Variants in STT3B observed in about 807,000 individuals in gnomAD.
STT3B encodes STT3 oligosaccharyltransferase complex catalytic subunit B, also known as dolichyl-diphosphooligosaccharide--protein glycosyltransferase subunit STT3B.
A neutral mutation model predicts 96.8 loss-of-function variants in STT3B; 29 were observed. The ratio of observed to expected loss-of-function variants is 0.30; its 90% CI spans 0.22 to 0.41. STT3B has a LOEUF of 0.41. Among genes scored for constraint, STT3B ranks in the 10% least tolerant of loss-of-function variants. The pLI is 1.00. For synonymous variants in STT3B, 367 were observed against 360.0 expected (o/e 1.02, Z -0.22); for missense variants, 640 against 1,022.3 (o/e 0.63, Z 5.10).
At chr3:31,544,089 G>A (rs1697345052) in intron 1 of STT3B, among the ~76,000 whole-genome samples, 2 of 152,142 alleles carry the variant, frequency 1.3e-5, no homozygotes, top group African/African-American at 4.8e-5. Flanking sequence ...GCATACATAG[G>A]CATTAGTTAG....
intron 5 of STT3B, among the ~76,000 whole-genome samples, chr3:31,614,285 A>G (rs1699253625): frequency 6.6e-6 from 1 of 151,872 alleles, no homozygotes; most frequent in African/African-American, 2.4e-5. Flanking sequence ...ACGTTAACTT[A>G]TTTCAGATGG....
chr3:31,613,165 T>C (rs1437369603), intron 5 of STT3B, among the ~76,000 whole-genome samples: 7 of 152,138 alleles, frequency 4.6e-5, no homozygotes, highest in Non-Finnish European at 7.4e-5. Context: ...ATGCGTGTAC[T>C]CAATATCCCT....
chr3:31,621,184 TAAGAG>T (rs892309037), intron 9 of STT3B, among the ~76,000 whole-genome samples: 5 of 152,124 alleles, frequency 3.3e-5, no homozygotes, highest in African/African-American at 9.7e-5. Context: ...GATGGGGAAA[TAAGAG>T]AAGCCAATAC....
chr3:31,623,531 A>G, intron 10 of STT3B, 143 bp from the exon 11 acceptor site: 4 of 639,662 alleles, frequency 6.3e-6, no homozygotes, highest in East Asian at 2.8e-5. Flanking sequence ...CATCACCCAC[A>G]TAAGAATATC....
At chr3:31,557,871 C>A (rs1697760836) in intron 1 of STT3B, among the ~76,000 whole-genome samples, 2 of 152,184 alleles carry the variant, frequency 1.3e-5, no homozygotes, top group Non-Finnish European at 2.9e-5. Context: ...ACCTCGTGAT[C>A]CGCCCGCCTC....
At chr3:31,619,077 G>A (rs893891093) in intron 8 of STT3B, among the ~76,000 whole-genome samples, 1 of 151,892 alleles carries the variant, frequency 6.6e-6, no homozygotes, top group African/African-American at 2.4e-5. Flanking sequence ...GTCAAGCAAG[G>A]CATTATTGTG....
chr3:31,541,652 C>T (rs561869835), intron 1 of STT3B, among the ~76,000 whole-genome samples: 12 of 152,208 alleles, frequency 7.9e-5, no homozygotes, highest in African/African-American at 2.9e-4. Context: ...TCTCAGCTCA[C>T]TGCAAGCTCC....
chr3:31,626,250 T>C, intron 13 of STT3B, 123 bp downstream of exon 13: 2 of 879,566 alleles, frequency 2.3e-6, no homozygotes, highest in Non-Finnish European at 3.4e-6. Context: ...TTCCTTACCC[T>C]GGCTTTACTA....
intron 1 of STT3B, among the ~76,000 whole-genome samples, chr3:31,561,733 C>T (rs1293456555): frequency 2.0e-5 from 3 of 151,962 alleles, no homozygotes; most frequent in African/African-American, 7.3e-5. Context: ...TGTGTTTTTA[C>T]TTTGGTATCT....
intron 1 of STT3B, among the ~76,000 whole-genome samples, chr3:31,549,562 A>G (rs1257429638): frequency 1.3e-5 from 2 of 151,988 alleles, no homozygotes; most frequent in African/African-American, 4.8e-5. Context: ...ATTACTATGG[A>G]TAATGCTTGT....
chr3:31,537,379 A>G (rs1697127595), intron 1 of STT3B, among the ~76,000 whole-genome samples: 1 of 152,210 alleles, frequency 6.6e-6, no homozygotes, highest in East Asian at 1.9e-4. Flanking sequence ...AACGTCCCCA[A>G]ATCTTAAAAA....
chr3:31,637,529 T>A lies in STT3B; in HGVS notation c.*1465T>A, dbSNP rs1212066314. The stretch of plus-strand genomic sequence containing the variant: ...GTCTGGATTTCTGATACCTTGTCAT[T>A]TGGGGGATTTTATTTTACTTTGTTG... On this transcript the variant is annotated 3_prime_UTR_variant, in exon 16 of 16. Transcript: ENST00000295770. 1 of 152,186 alleles carries A rather than the reference T, an allele frequency of 6.6e-6. No homozygotes were observed. The highest frequency in any genetic ancestry group is 1.5e-5 in the Non-Finnish European group (1 of 68,006). The allele number at this position is 152,186 out of a possible 1,614,324, so 9.4% of individuals were successfully genotyped here.
intron 13 of STT3B, among the ~76,000 whole-genome samples, chr3:31,628,010 C>T (rs1333346842): frequency 1.1e-5 from 1 of 94,366 alleles, no homozygotes; most frequent in Admixed American, 1.2e-4. Flanking sequence ...TCTACCCCCC[C>T]TAAAAAAAAA....
chr3:31,592,131 C>CCCTCCG (rs1312563287), intron 3 of STT3B, among the ~76,000 whole-genome samples: 1 of 152,108 alleles, frequency 6.6e-6, no homozygotes, highest in Non-Finnish European at 1.5e-5. Context: ...TTCCACCTTC[C>CCCTCCG]CCTCCGCCCC....
chr3:31,612,306 CA>C (rs1699200305), intron 5 of STT3B, among the ~76,000 whole-genome samples: 1 of 151,974 alleles, frequency 6.6e-6, no homozygotes, highest in African/African-American at 2.4e-5. Context: ...TTCAGTGATC[CA>C]AAAAATGTGA....
intron 5 of STT3B, among the ~76,000 whole-genome samples, chr3:31,612,549 T>C (rs1699205405): frequency 6.6e-6 from 1 of 152,192 alleles, no homozygotes; most frequent in African/African-American, 2.4e-5. Context: ...AAGTCCCACC[T>C]GGGCTTTTTC....
intron 1 of STT3B, among the ~76,000 whole-genome samples, chr3:31,564,386 G>A (rs1171301999): frequency 1.3e-5 from 2 of 152,184 alleles, no homozygotes; most frequent in Non-Finnish European, 2.9e-5. Flanking sequence ...TTTGCCCAGA[G>A]GCAAAATGAT....
chr3:31,569,809 A>G (rs1575418648), intron 1 of STT3B, among the ~76,000 whole-genome samples: 1 of 152,194 alleles, frequency 6.6e-6, no homozygotes, highest in African/African-American at 2.4e-5. Flanking sequence ...ATTGTGTGTG[A>G]GAGTATGTGT....
intron 3 of STT3B, among the ~76,000 whole-genome samples, chr3:31,582,229 A>G (rs1698421367): frequency 6.7e-6 from 1 of 150,130 alleles, no homozygotes; most frequent in African/African-American, 2.5e-5. Flanking sequence ...TATCTCTGTT[A>G]TAGTCTTTAT....
Sources: allele counts gnomAD v4.1 joint callset (sites outside exome capture counted in the v4.1 genomes callset), GRCh38; gene constraint gnomAD v4.1.1; transcripts MANE v1.5; gene names NCBI Gene and HGNC (gene_info 2026-07-23, HGNC 2026-07-21).